The following GRTP1 variants were observed in gnomAD, a reference collection of about 807,000 sequenced individuals.
GRTP1 encodes growth hormone regulated TBC protein 1, also known as growth hormone-regulated TBC protein 1.
In GRTP1, 56 loss-of-function variants were observed where a neutral mutation model predicts 38.1. The ratio of observed to expected loss-of-function variants is 1.47; its 90% CI spans 1.19 to 1.84. The LOEUF is 1.84. Ranked by LOEUF, GRTP1 falls within the 40% of genes most tolerant of loss-of-function variation. The pLI is 0.00. For missense variants in GRTP1, 506 were observed against 453.9 expected, an observed-to-expected ratio of 1.11 and a Z score of -1.04; for synonymous variants, 217 against 189.5, an observed-to-expected ratio of 1.14 and a Z score of -1.19.
intron 5 of GRTP1, among the ~76,000 whole-genome samples, chr13:113,337,925 A>G (rs978780647): frequency 2.6e-5 from 4 of 152,376 alleles, no homozygotes; most frequent in East Asian, 1.9e-4. Flanking sequence ...GTCGGTCCAC[A>G]TCTCAGCCAG....
chr13:113,357,573 G>A (rs1001956284), intron 2 of GRTP1, among the ~76,000 whole-genome samples: 1 of 152,072 alleles, frequency 6.6e-6, no homozygotes, highest in Admixed American at 6.6e-5. Context: ...CTGCTTACAG[G>A]AACATGAAAA....
rs1211170954 is a variant in GRTP1, at chr13:113,342,334, T to A, written c.562+2529A>T. Among the ~76,000 whole-genome samples, 1 of 151,798 alleles carries A rather than the reference T, an allele frequency of 6.6e-6. No homozygotes were observed. The highest frequency in any genetic ancestry group is 1.5e-5 in the Non-Finnish European group (1 of 67,990). On this transcript the variant is annotated intron_variant, in intron 5 of 7. Coordinates refer to ENST00000375431, the MANE Select transcript of GRTP1 (RefSeq NM_024719.4). This position sits in a 1 kb window ranked among gnomAD's most constrained non-coding sequence, Gnocchi z 4.5. ...TCCTGGCTAACACGGTGAAACCCCA[T>A]CTCTACTAAAAATACAAAAAAAAAT...
intron 4 of GRTP1, 69 bp from the exon 5 acceptor site, chr13:113,345,028 C>A (rs140868729): frequency 3.3e-6 from 5 of 1,517,404 alleles, no homozygotes; most frequent in Non-Finnish European, 4.4e-6. Flanking sequence ...TGCAATCATT[C>A]GGCTACAAAC....
At chr13:113,347,531 T>C (rs116326643) in intron 4 of GRTP1, among the ~76,000 whole-genome samples, 11 of 56,058 alleles carry the variant, frequency 2.0e-4, no homozygotes, top group Admixed American at 3.3e-4. Flanking sequence ...CCTCTGTGGC[T>C]GAGCGGATCC....
rs138802865 is a variant in GRTP1, at chr13:113,349,292, G to A, written c.465+1557C>T. 2.2e-4 allele frequency among the ~76,000 whole-genome samples: 34 copies of A among 151,688 alleles called. No homozygotes were observed. Among genetic ancestry groups the A allele is most frequent in the African/African-American group, 7.7e-4 (32 of 41,352 alleles). ...CAGGCTTGACCTCCCAGACCCAAAC[G>A]ACCCTCTCACCTCAGCCCCTCGAGC... On this transcript the variant is annotated intron_variant, in intron 4 of 7. Transcript: ENST00000375431. This position sits in a 1 kb window ranked among gnomAD's most constrained non-coding sequence, Gnocchi z 5.0.
In GRTP1 at chr13:113,346,335, TGTG is replaced by T. The variant is rs1273585851; in HGVS notation, c.466-1379_466-1377del. On this transcript the variant is annotated intron_variant, in intron 4 of 7. Coordinates refer to ENST00000375431, the MANE Select transcript of GRTP1 (RefSeq NM_024719.4). ...CAGAGAGCAGACCCGGGAGGACCTC[TGTG>T]GCCGAGAGCGGACCCAGGAGGACCT... is the stretch of plus-strand genomic sequence containing the variant. Among the ~76,000 whole-genome samples, 9 of 43,514 alleles carry T rather than the reference TGTG, an allele frequency of 2.1e-4. 3 individuals carry two copies. Among genetic ancestry groups the T allele is most frequent in the African/African-American group, 9.8e-4 (9 of 9,204 alleles). The allele number at this position is 43,514 out of a possible 152,430, so 28.5% of individuals were successfully genotyped here. A position where few individuals can be genotyped will look rare whatever the true frequency, so the allele number is the denominator to read the frequency against.
At chr13:113,353,912 G>T (rs954991150) in intron 3 of GRTP1, among the ~76,000 whole-genome samples, 8 of 151,962 alleles carry the variant, frequency 5.3e-5, no homozygotes, top group African/African-American at 1.9e-4. Context: ...ATTAAAAAAT[G>T]AGCCAGGTGT....
intron 5 of GRTP1, among the ~76,000 whole-genome samples, chr13:113,328,883 CT>C (rs1179904035): frequency 3.3e-5 from 5 of 152,090 alleles, no homozygotes; most frequent in Middle Eastern, 7.1e-3. Context: ...ACAAAGCAGC[CT>C]TGTGGACTAA....
At chr13:113,357,146 C>CA (rs1595513373) in intron 2 of GRTP1, among the ~76,000 whole-genome samples, 1 of 151,274 alleles carries the variant, frequency 6.6e-6, no homozygotes, top group East Asian at 1.9e-4. Flanking sequence ...CCTGTCTCTA[C>CA]AAAAGATACA....
Position 113,364,042 on chromosome 13 carries a change from CG to C in GRTP1, c.9del (p.Ala4ProfsTer58), listed in dbSNP as rs1428504848. Reference protein sequence around the residue: MQPAERSRVPRID... With the variant: MQXAERSRVPRID... Reference sequence around the variant, plus strand: ...CACCTGGGGACCCGCGAGCGCTCGGCGGGCTGCATGCGGGGAGGGAGGCGCG... The same window carrying C: ...CACCTGGGGACCCGCGAGCGCTCGGCGGCTGCATGCGGGGAGGGAGGCGCG... On this transcript the variant is annotated frameshift_variant, in exon 1 of 8. Transcript: ENST00000375431. LOFTEE classifies it high-confidence loss of function. 4 of 1,289,532 alleles carry C rather than the reference CG, an allele frequency of 3.1e-6. No individual in the cohort carries two copies. In the East Asian group the frequency reaches 1.3e-4, roughly 40 times the overall value. The allele number at this position is 1,289,532 out of a possible 1,614,324, so 79.9% of individuals were successfully genotyped here. A position where few individuals can be genotyped will look rare whatever the true frequency, so the allele number is the denominator to read the frequency against.
chr13:113,330,979 T>G (rs2042861168), intron 5 of GRTP1, among the ~76,000 whole-genome samples: 1 of 145,208 alleles, frequency 6.9e-6, no homozygotes, highest in South Asian at 2.2e-4. Context: ...GCCCAGTGTG[T>G]GCATGGGAGC....
chr13:113,326,113 A>C, intron 5 of GRTP1, 22 bp from the exon 6 acceptor site: 1 of 1,601,734 alleles, frequency 6.2e-7, no homozygotes, highest in Non-Finnish European at 8.5e-7. Flanking sequence ...TGTGGAGAAA[A>C]GACCCCGAGA....
At chr13:113,345,956 C>A (rs144658579) in intron 4 of GRTP1, among the ~76,000 whole-genome samples, 6 of 151,876 alleles carry the variant, frequency 4.0e-5, no homozygotes, top group East Asian at 3.9e-4. Flanking sequence ...ACCTCTGTGG[C>A]CAAAAGCAGA....
intron 2 of GRTP1, among the ~76,000 whole-genome samples, chr13:113,363,365 G>C (rs867305737): frequency 5.3e-5 from 8 of 152,180 alleles, no homozygotes; most frequent in Non-Finnish European, 1.0e-4. Context: ...GAGCCACCAC[G>C]CCCGGCTAAT....
In GRTP1 at chr13:113,350,900, G is replaced by T. The variant is rs2043253731; in HGVS notation, c.414C>A (p.Tyr138Ter). 1.2e-6 allele frequency: 2 copies of T among 1,610,898 alleles called. No homozygotes were observed. Among genetic ancestry groups the T allele is most frequent in the African/African-American group, 2.7e-5 (2 of 75,008 alleles). The change falls in exon 4 of 8, where the codon TAC becomes TAA. Residue 138 changes from tyrosine (Y) to a stop codon, truncating the protein, a stop_gained. Coordinates refer to ENST00000375431, the MANE Select transcript of GRTP1 (RefSeq NM_024719.4). LOFTEE classifies it high-confidence loss of function. ...GGTGCCCATATGCCAGCAGCACATT[G>T]TACAGGGTCCTCTGTAAGCAGGGGT... ...TTDPCLQRTL[Y>*]NVLLAYGHHN...
rs749934320 is a variant in GRTP1 at position 113,344,570 on chromosome 13, G to A, written c.562+293C>T. On this transcript the variant is annotated intron_variant, in intron 5 of 7. Coordinates refer to ENST00000375431, the MANE Select transcript of GRTP1 (RefSeq NM_024719.4). ...CTCTACTAAAAATACAAAATTAGCCGGGTGTGGTGGCACACACCTACAATC... is the reference window on the plus strand; with the variant it reads ...CTCTACTAAAAATACAAAATTAGCCAGGTGTGGTGGCACACACCTACAATC... Among the ~76,000 whole-genome samples, 11 of 151,922 alleles carry A rather than the reference G, an allele frequency of 7.2e-5. No homozygotes were observed. The East Asian group carries it at 7.7e-4, about 11-fold the overall frequency.
At chr13:113,347,742 A>G (rs112286591) in intron 4 of GRTP1, among the ~76,000 whole-genome samples, 5 of 82,700 alleles carry the variant, frequency 6.0e-5, no homozygotes, top group East Asian at 3.6e-4. Flanking sequence ...GTGGCCAAGA[A>G]CAGATCCGGG....
At chr13:113,358,013 T>C (rs561257106) in intron 2 of GRTP1, among the ~76,000 whole-genome samples, 1 of 152,098 alleles carries the variant, frequency 6.6e-6, no homozygotes, top group East Asian at 1.9e-4. Context: ...ACCCCGTCTC[T>C]ACTAAAAAAA....
At chr13:113,350,440 C>CAT (rs58215649) in intron 4 of GRTP1, among the ~76,000 whole-genome samples, 46,745 of 146,506 alleles carry the variant, frequency 0.32, 7,913 homozygotes, top group East Asian at 0.58. Flanking sequence ...CCACAGCGCA[C>CAT]GCACCCCACA....
Sources: allele counts gnomAD v4.1 joint callset (sites outside exome capture counted in the v4.1 genomes callset), GRCh38; gene constraint gnomAD v4.1.1; non-coding constraint Gnocchi (gnomAD v3.1); transcripts MANE v1.5; gene names NCBI Gene and HGNC (gene_info 2026-07-23, HGNC 2026-07-21).